The following CR1 variants were observed in gnomAD, a reference collection of about 807,000 sequenced individuals.
CR1 encodes the protein complement receptor type 1.
Under a neutral mutation model 187.3 loss-of-function variants are expected in CR1, and 116 were observed. The ratio of observed to expected loss-of-function variants is 0.62; its 90% CI spans 0.53 to 0.72. The LOEUF (loss-of-function observed/expected upper bound fraction) is 0.72. CR1 is among the 30% of genes least tolerant of loss of function. The probability of loss-of-function intolerance (pLI) is 0.00; values close to 1 mark genes in which losing one functional copy is unlikely to be tolerated. For missense variants in CR1, 1,731 were observed against 2,110.7 expected, an observed-to-expected ratio of 0.82 and a Z score of 3.52; for synonymous variants, 576 against 747.1, an observed-to-expected ratio of 0.77 and a Z score of 3.73.
chr1:207,572,807 C>G (rs12409410), intron 27 of CR1, among the ~76,000 whole-genome samples: 28,814 of 148,234 alleles, frequency 0.19, 3,113 homozygotes, highest in South Asian at 0.43. Context: ...CATCTTCCAG[C>G]TTCTGGAGCC....
chr1:207,577,714 A>G, intron 28 of CR1, 91 bp from the exon 29 acceptor site: 1 of 1,560,476 alleles, frequency 6.4e-7, no homozygotes, highest in South Asian at 1.2e-5. Context: ...GGTTGCAGTT[A>G]GCCATGATTG....
intron 5 of CR1, 87 bp downstream of exon 5, chr1:207,524,096 A>G: frequency 1.9e-6 from 3 of 1,610,852 alleles, no homozygotes; most frequent in Non-Finnish European, 2.5e-6. Context: ...AGGGGGAGGG[A>G]TGTGTGCTGA....
intron 41 of CR1, among the ~76,000 whole-genome samples, 196 bp downstream of exon 41, chr1:207,616,998 C>T (rs1254003897): frequency 6.6e-6 from 1 of 152,104 alleles, no homozygotes; most frequent in Non-Finnish European, 1.5e-5. Context: ...TCTGATGGTC[C>T]TTCCTATGGG....
chr1:207,577,196 A>C (rs188438298), intron 28 of CR1, among the ~76,000 whole-genome samples: 2 of 151,856 alleles, frequency 1.3e-5, no homozygotes, highest in East Asian at 3.9e-4. Flanking sequence ...GGTTGCAGTG[A>C]GCTGAGATCA....
rs373756711 is a variant in CR1 at position 207,580,620 on chromosome 1, G to A, written c.5216+7G>A. 2 of 1,609,588 alleles carry A rather than the reference G, an allele frequency of 1.2e-6. No homozygotes were observed. The highest frequency in any genetic ancestry group is 2.7e-5 in the African/African-American group (2 of 74,496). ...CCTTTGTCTGTGATGAAGGGTAAGT[G>A]TGACCCAGAATTCAGATCAGGGACT... On this transcript the variant is annotated splice_region_variant and intron_variant, in intron 31 of 46. Coordinates refer to ENST00000367049, the MANE Select transcript of CR1 (RefSeq NM_000651.6).
At position 207,619,051 on chromosome 1, in the gene CR1, A is replaced by AAAAAAG. The variant is rs1553301635; in HGVS notation, c.7066+808_7066+809insAGAAAA. The stretch of plus-strand genomic sequence containing the variant: ...GACTCCGTCTCAAAAAAAAAAAAAA[A>AAAAAAG]AAAAGAAAAGAAAAGAAAGTAAATT... On this transcript the variant is annotated intron_variant, in intron 42 of 46. Coordinates refer to ENST00000367049, the MANE Select transcript of CR1 (RefSeq NM_000651.6). Among the ~76,000 whole-genome samples the AAAAAAG allele has an allele frequency of 7.0e-3, 354 of 50,382 alleles. 3 individuals carry two copies. The highest frequency in any genetic ancestry group is 0.012 in the African/African-American group (338 of 27,538). The allele number at this position is 50,382 out of a possible 152,430, so 33.1% of individuals were successfully genotyped here. A position where few individuals can be genotyped will look rare whatever the true frequency, so the allele number is the denominator to read the frequency against.
chr1:207,515,034 C>A (rs1161911814), intron 4 of CR1, among the ~76,000 whole-genome samples: 3 of 132,660 alleles, frequency 2.3e-5, no homozygotes, highest in Non-Finnish European at 3.2e-5. Flanking sequence ...CACATATATA[C>A]ATATATACTT....
At chr1:207,565,196 C>G (rs1055766896) in intron 23 of CR1, among the ~76,000 whole-genome samples, 1 of 150,182 alleles carries the variant, frequency 6.7e-6, no homozygotes, top group Non-Finnish European at 1.5e-5. Context: ...ATCTTGGCAG[C>G]CTCCAAATGC....
At position 207,580,298 on chromosome 1, in the gene CR1, C is replaced by A. The variant is rs141954836; in HGVS notation, c.4995C>A (p.Asn1665Lys). 38 of 1,613,864 alleles carry A rather than the reference C, an allele frequency of 2.4e-5. No homozygotes were observed. The East Asian group carries it at 8.2e-4, about 35-fold the overall frequency. Residue 1665 changes from asparagine (N) to lysine (K), a missense_variant, in exon 30 of 47, where the codon AAC becomes AAA. Asn to Lys is a moderately conservative substitution (Grantham distance 94). This residue lies in a region of CR1 where 1,312 missense variants were observed against 1,379.6 expected (regional missense o/e 0.95). Coordinates refer to ENST00000367049, the MANE Select transcript of CR1 (RefSeq NM_000651.6). ...HGEHTPSHQD[N>K]FSPGQEVFYS... The stretch of plus-strand genomic sequence containing the variant: ...AGCATACCCCAAGCCATCAGGACAA[C>A]TTTTCACCTGGGCAGGAAGTGTTCT...
rs1405829988 is a variant in CR1 at position 207,505,923 on chromosome 1, A to G, written c.141A>G (p.Glu47=). ...PVAWGQCNAP[E]WLPFARPTNL... is the part of the protein sequence containing the mutation. ...CTCCAGGTCAATGCAATGCCCCAGA[A>G]TGGCTTCCATTTGCCAGGCCTACCA... Residue 47 remains glutamate (E), a synonymous_variant, in exon 2 of 47, where the codon GAA becomes GAG. Coordinates refer to ENST00000367049, the MANE Select transcript of CR1 (RefSeq NM_000651.6). The G allele has an allele frequency of 2.5e-6, 4 of 1,613,878 alleles. No individual in the cohort carries two copies. The highest frequency in any genetic ancestry group is 1.7e-4 in the Middle Eastern group (1 of 6,056).
At chr1:207,599,381 G>A (rs1418657737) in intron 35 of CR1, among the ~76,000 whole-genome samples, 2 of 152,136 alleles carry the variant, frequency 1.3e-5, no homozygotes, top group African/African-American at 4.8e-5. Context: ...AGGAAAAGGA[G>A]CCCTCTCATA....
intron 36 of CR1, among the ~76,000 whole-genome samples, chr1:207,609,070 A>G (rs930750489): frequency 4.6e-4 from 70 of 151,868 alleles, no homozygotes; most frequent in African/African-American, 7.0e-4. Flanking sequence ...CCAAAAAAAC[A>G]TGGATTTTTT....
rs777884906 is a variant in CR1, at chr1:207,567,952, G to A, written c.4081G>A (p.Asp1361Asn). The A allele has an allele frequency of 5.0e-5, 80 of 1,610,330 alleles. No individual in the cohort carries two copies. Among genetic ancestry groups the A allele is most frequent in the East Asian group, 3.8e-4 (17 of 44,876 alleles). ...CCACCCAGACAGAGGGACGAGCTTC[G>A]ACCTCATTGGAGAGAGCACCATCCG... Reference protein sequence around the residue: ...DPHPDRGTSFDLIGESTIRCT... With the variant: ...DPHPDRGTSFNLIGESTIRCT... Residue 1361 changes from aspartate to asparagine, a missense_variant, in exon 25 of 47, where the codon GAC becomes AAC. Transcript: ENST00000367049.
At chr1:207,626,349 T>A (rs1662477549) in intron 45 of CR1, among the ~76,000 whole-genome samples, 1 of 152,208 alleles carries the variant, frequency 6.6e-6, no homozygotes, top group South Asian at 2.1e-4. Context: ...CGGAAGGAGT[T>A]GGGCTGATTA....
rs573281105 is a variant in CR1, at chr1:207,574,591, C to T, written c.4452-1004C>T. 5.3e-5 allele frequency among the ~76,000 whole-genome samples: 8 copies of T among 152,132 alleles called. No homozygotes were observed. In the South Asian group the frequency reaches 6.2e-4, roughly 12 times the overall value. On this transcript the variant is annotated intron_variant, in intron 27 of 46. Coordinates refer to ENST00000367049, the MANE Select transcript of CR1 (RefSeq NM_000651.6). ...CAATAAAAAAATACACACAAAAACT[C>T]GGCAATGTAATCATAATTTACTAAT... is the stretch of plus-strand genomic sequence containing the variant.
chr1:207,506,886 C>A, intron 3 of CR1, 73 bp downstream of exon 3: 1 of 1,245,650 alleles, frequency 8.0e-7, no homozygotes, highest in Non-Finnish European at 1.2e-6. Context: ...CTTCTAGTCA[C>A]ATGTCAGAAA....
chr1:207,499,855 A>C (rs1384657729), intron 1 of CR1, among the ~76,000 whole-genome samples: 1 of 152,192 alleles, frequency 6.6e-6, no homozygotes, highest in Non-Finnish European at 1.5e-5. Context: ...TTAATCTAAA[A>C]TAAGCTTCAC....
At chr1:207,514,641 G>T (rs1019998968) in intron 4 of CR1, among the ~76,000 whole-genome samples, 5 of 152,080 alleles carry the variant, frequency 3.3e-5, no homozygotes, top group African/African-American at 1.2e-4. Flanking sequence ...TGTTATAGCA[G>T]CCCAAATAGA....
chr1:207,587,473 A>G lies in CR1; in HGVS notation c.5618A>G (p.Asn1873Ser). ...GAGTTTCCAGTCGGGACATCTTTGAATTATGAATGCCGTCCTGGGTATTTT... is the reference window on the plus strand; with the variant it reads ...GAGTTTCCAGTCGGGACATCTTTGAGTTATGAATGCCGTCCTGGGTATTTT... ...DFEFPVGTSLNYECRPGYFGK... is the reference protein window; with the variant it reads ...DFEFPVGTSLSYECRPGYFGK... The change falls in exon 34 of 47, where the codon AAT (asparagine) becomes AGT (serine). Residue 1873 changes from asparagine to serine, a missense_variant. By Grantham distance (46) the Asn-to-Ser change is conservative. This residue lies in a region of CR1 where 1,312 missense variants were observed against 1,379.6 expected (regional missense o/e 0.95). Coordinates refer to ENST00000367049, the MANE Select transcript of CR1 (RefSeq NM_000651.6). The G allele has an allele frequency of 6.2e-7, 1 of 1,613,982 alleles. No individual in the cohort carries two copies. Among genetic ancestry groups the G allele is most frequent in the Non-Finnish European group, 8.5e-7 (1 of 1,179,838 alleles).
Sources: gnomAD v4.1 joint callset for allele counts (sites outside exome capture counted in the v4.1 genomes callset) on GRCh38, gnomAD v4.1.1 for gene constraint, gnomAD v4.1.1 regional missense constraint, MANE v1.5 for transcripts, NCBI Gene and HGNC (gene_info 2026-07-23, HGNC 2026-07-21) for gene names.